The following BOC variants were observed in gnomAD, a reference collection of about 807,000 sequenced individuals.
BOC encodes the protein BOC cell adhesion associated, oncogene regulated.
A neutral mutation model predicts 112.0 loss-of-function variants in BOC; 76 were observed. The observed-to-expected ratio is 0.68, with a 90% CI of 0.56 to 0.82. The LOEUF (loss-of-function observed/expected upper bound fraction) is 0.82. Ranked by LOEUF, BOC falls within the 40% of genes least tolerant of loss-of-function variation. The pLI is 0.00. For synonymous variants in BOC, 580 were observed against 599.8 expected, an observed-to-expected ratio of 0.97 and a Z score of 0.48; for missense variants, 1,309 against 1,511.7, an observed-to-expected ratio of 0.87 and a Z score of 2.22.
chr3:113,247,158 CTTCTTCCCT>C (rs1945018804), intron 2 of BOC, among the ~76,000 whole-genome samples: 2 of 152,224 alleles, frequency 1.3e-5, no homozygotes, highest in South Asian at 4.1e-4. Flanking sequence ...CCCTACCTCC[CTTCTTCCCT>C]TTCTTCCTCC....
chr3:113,231,479 T>A (rs570006297), intron 2 of BOC, among the ~76,000 whole-genome samples: 11 of 152,216 alleles, frequency 7.2e-5, no homozygotes, highest in African/African-American at 1.9e-4. Context: ...TCTCAAAGAG[T>A]ATTTGGTGAA....
chr3:113,271,174 A>T (rs1413279022), intron 6 of BOC: 1 of 693,044 alleles, frequency 1.4e-6, no homozygotes, highest in African/African-American at 1.7e-5. Flanking sequence ...GCCTGCTGCC[A>T]CACCTGCCTG....
chr3:113,280,899 C>T (rs531280077), intron 14 of BOC, 132 bp from the exon 15 acceptor site: 2 of 1,272,820 alleles, frequency 1.6e-6, no homozygotes, highest in East Asian at 2.3e-5. Flanking sequence ...CAGCGTTCCT[C>T]CACACGCCGC....
At chr3:113,284,934 G>A in intron 18 of BOC, 76 bp downstream of exon 18, 4 of 1,335,836 alleles carry the variant, frequency 3.0e-6, no homozygotes, top group Non-Finnish European at 3.2e-6. Flanking sequence ...TCCAAGGCCT[G>A]TCACTGAGAG....
rs1948895860 is a variant in BOC at position 113,278,705 on chromosome 3, A to G, written c.1738A>G (p.Lys580Glu). The G allele has an allele frequency of 3.2e-6, 5 of 1,571,750 alleles. No homozygotes were observed. The highest frequency in any genetic ancestry group is 4.3e-6 in the Non-Finnish European group (5 of 1,158,230). ...RRPKPEIMAS[K>E]EQQIQRDDPG... is the part of the protein sequence containing the mutation. ...GCCCAAACCCGAGATCATGGCCAGCAAAGAGCAGCAGATCCAGAGAGACGA... is the reference window on the plus strand; with the variant it reads ...GCCCAAACCCGAGATCATGGCCAGCGAAGAGCAGCAGATCCAGAGAGACGA... Residue 580 changes from lysine to glutamate, a missense_variant, in exon 11 of 20, where the codon AAA (lysine) becomes GAA (glutamate). Lys to Glu is a moderately conservative substitution (Grantham distance 56, BLOSUM62 1). Transcript: ENST00000682979. The surrounding 1 kb of genome is among the most constrained non-coding windows in gnomAD (Gnocchi z 4.2).
rs765387902 is a variant in BOC, at chr3:113,236,228, ATGTG to A, written c.-81-13458_-81-13455del. Among the ~76,000 whole-genome samples the A allele has an allele frequency of 5.2e-3, 404 of 77,950 alleles. 7 individuals carry two copies. The highest frequency in any genetic ancestry group is 0.013 in the East Asian group (43 of 3,312). The allele number at this position is 77,950 out of a possible 152,430, so 51.1% of individuals were successfully genotyped here. A position where few individuals can be genotyped will look rare whatever the true frequency, so the allele number is the denominator to read the frequency against. ...TATATATATACGTGTATATACGTAT[ATGTG>A]TGTGTGTGTGTGTGTGTGTGTGTGT... On this transcript the variant is annotated intron_variant, in intron 2 of 19. Coordinates refer to ENST00000682979, the MANE Select transcript of BOC (RefSeq NM_001378074.1).
chr3:113,249,520 C>T (rs1945344979), intron 2 of BOC, among the ~76,000 whole-genome samples: 1 of 152,164 alleles, frequency 6.6e-6, no homozygotes, highest in African/African-American at 2.4e-5. Flanking sequence ...GAGAAAGAGC[C>T]CTAGGGGGCA....
rs914412113 is a variant in BOC, at chr3:113,284,637, G to A, written c.2889+70G>A. 1.1e-5 allele frequency: 17 copies of A among 1,540,048 alleles called. No individual in the cohort carries two copies. In the African/African-American group the frequency reaches 1.9e-4, roughly 17 times the overall value. ...AGGGAGTGGCTGGGCTGCCTTGGGG[G>A]GCCTCCTCCCTCCTAGGGTCTCAGG... On this transcript the variant is annotated intron_variant, in intron 17 of 19. Transcript: ENST00000682979.
chr3:113,280,922 C>T, intron 14 of BOC, 109 bp from the exon 15 acceptor site: 1 of 1,449,366 alleles, frequency 6.9e-7, no homozygotes, highest in African/African-American at 1.4e-5. Flanking sequence ...CTGTGCCAGT[C>T]AGTGGCATCC....
At chr3:113,253,317 A>G (rs977662387) in intron 4 of BOC, among the ~76,000 whole-genome samples, 1 of 152,224 alleles carries the variant, frequency 6.6e-6, no homozygotes. Context: ...AATTATTACA[A>G]TATGGCTTAC....
rs143520902 is a variant in BOC at position 113,234,917 on chromosome 3, T to C, written c.-81-14805T>C. ...TCGAGCGCTTCCTGGGATAATACAC[T>C]GTGTTCTTCTCAGGGCTCCATTGTT... On this transcript the variant is annotated intron_variant, in intron 2 of 19. Coordinates refer to ENST00000682979, the MANE Select transcript of BOC (RefSeq NM_001378074.1). 3.9e-3 allele frequency among the ~76,000 whole-genome samples: 597 copies of C among 152,334 alleles called. 3 individuals carry two copies. Among genetic ancestry groups the C allele is most frequent in the African/African-American group, 0.014 (562 of 41,564 alleles).
At chr3:113,282,094 T>C (rs540613934) in intron 15 of BOC, among the ~76,000 whole-genome samples, 1 of 152,228 alleles carries the variant, frequency 6.6e-6, no homozygotes, top group South Asian at 2.1e-4. Context: ...TCCAGATGGT[T>C]GGGGTGTCAG....
chr3:113,227,435 G>A (rs1941850192), intron 2 of BOC, among the ~76,000 whole-genome samples: 1 of 152,228 alleles, frequency 6.6e-6, no homozygotes, highest in Non-Finnish European at 1.5e-5. Flanking sequence ...ATGGAAGTGG[G>A]GAAGAGCCAG....
intron 2 of BOC, among the ~76,000 whole-genome samples, chr3:113,233,148 G>T (rs867611372): frequency 1.1e-4 from 14 of 123,960 alleles, no homozygotes; most frequent in Admixed American, 5.1e-4. Context: ...AAAGGATTGG[G>T]GTGTGTGTGT....
At chr3:113,237,552 AT>A (rs1452208993) in intron 2 of BOC, among the ~76,000 whole-genome samples, 1 of 152,134 alleles carries the variant, frequency 6.6e-6, no homozygotes, top group Non-Finnish European at 1.5e-5. Context: ...ATTTTGGAAG[AT>A]GAGATGAGAA....
In BOC at chr3:113,274,751, G is replaced by A. The variant is rs941798059; in HGVS notation, c.1542+69G>A. 6.8e-7 allele frequency: 1 copy of A among 1,476,272 alleles called. No homozygotes were observed. The highest frequency in any genetic ancestry group is 1.4e-5 in the African/African-American group (1 of 71,280). 91.4% of individuals were successfully genotyped at this position (1,476,272 alleles called of 1,614,324 possible). On this transcript the variant is annotated intron_variant, in intron 9 of 19. Coordinates refer to ENST00000682979, the MANE Select transcript of BOC (RefSeq NM_001378074.1). This position sits in a 1 kb window ranked among gnomAD's most constrained non-coding sequence, Gnocchi z 4.8. ...TCCAGCAAGGCTGAGCAGAGTCACT[G>A]TCTCTTGGCCATCTCCCCTTGAGCT...
In BOC at chr3:113,274,430, A is replaced by G. The variant is rs1948455403; in HGVS notation, c.1290A>G (p.Val430=). 1 of 1,595,734 alleles carries G rather than the reference A, an allele frequency of 6.3e-7. No individual in the cohort carries two copies. The highest frequency in any genetic ancestry group is 2.3e-5 in the East Asian group (1 of 44,402). The change falls in exon 9 of 20, where the codon GTA becomes GTG. Residue 430 remains valine (V), a synonymous_variant. Coordinates refer to ENST00000682979, the MANE Select transcript of BOC (RefSeq NM_001378074.1). This position sits in a 1 kb window ranked among gnomAD's most constrained non-coding sequence, Gnocchi z 4.8. ...DAELATGTPP[V]SPSKLGNPEQ... is the part of the protein sequence containing the mutation. The stretch of plus-strand genomic sequence containing the variant: ...AGCTGGCTACTGGCACACCTCCTGT[A>G]TCACCCTCCAAACTCGGCAACCCTG...
At chr3:113,285,631 A>G (rs1949610831) in intron 19 of BOC, 66 bp downstream of exon 19, 1 of 1,405,830 alleles carries the variant, frequency 7.1e-7, no homozygotes, top group African/African-American at 1.4e-5. Context: ...GGCATCCACA[A>G]GCCAGTAGTA....
intron 2 of BOC, among the ~76,000 whole-genome samples, chr3:113,224,040 G>A (rs1349560766): frequency 6.6e-6 from 1 of 152,216 alleles, no homozygotes; most frequent in Admixed American, 6.5e-5. Context: ...AGAAAGACAC[G>A]AGGAGCACAT....
Sources: allele counts gnomAD v4.1 joint callset (sites outside exome capture counted in the v4.1 genomes callset), GRCh38; gene constraint gnomAD v4.1.1; non-coding constraint Gnocchi (gnomAD v3.1); transcripts MANE v1.5; gene names NCBI Gene and HGNC (gene_info 2026-07-23, HGNC 2026-07-21).